PRKCE: variants seen among roughly 807,000 people sequenced by gnomAD.
The protein encoded by PRKCE is protein kinase C epsilon, also known as protein kinase C epsilon type.
A neutral mutation model predicts 85.4 loss-of-function variants in PRKCE; 16 were observed. The observed-to-expected ratio is 0.19, with a 90% CI of 0.13 to 0.28. The LOEUF (loss-of-function observed/expected upper bound fraction) is 0.28, where lower values mean the gene tolerates loss of function less well. PRKCE is among the 10% of genes least tolerant of loss of function. The probability of loss-of-function intolerance (pLI) is 1.00; values close to 1 mark genes in which losing one functional copy is unlikely to be tolerated. For missense variants in PRKCE, 573 were observed against 975.2 expected (o/e 0.59, Z 5.49); for synonymous variants, 388 against 371.5 (o/e 1.04, Z -0.51).
chr2:45,832,052 TG>T, intron 1 of PRKCE, among the ~76,000 whole-genome samples: 1 of 152,362 alleles, frequency 6.6e-6, no homozygotes, highest in African/African-American at 2.4e-5. Flanking sequence ...TTTATAAAAC[TG>T]TTCTTTTTCT....
chr2:45,802,436 G>T (rs1301961834), intron 1 of PRKCE, among the ~76,000 whole-genome samples: 1 of 151,892 alleles, frequency 6.6e-6, no homozygotes, highest in Non-Finnish European at 1.5e-5. Context: ...CCATCTTAAA[G>T]TGATAGTATC....
intron 2 of PRKCE, among the ~76,000 whole-genome samples, chr2:45,848,922 C>T (rs988248564): frequency 6.6e-6 from 1 of 152,122 alleles, no homozygotes; most frequent in Non-Finnish European, 1.5e-5. Flanking sequence ...AAAGGATAGG[C>T]AGGCTGGATT....
chr2:45,842,689 C>T (rs1247635241), intron 1 of PRKCE, among the ~76,000 whole-genome samples: 1 of 152,184 alleles, frequency 6.6e-6, no homozygotes, highest in African/African-American at 2.4e-5. Context: ...TCTCTGGCCT[C>T]CACCCACTAG....
intron 2 of PRKCE, among the ~76,000 whole-genome samples, chr2:45,892,152 G>C (rs1299404165): frequency 1.3e-5 from 2 of 152,124 alleles, no homozygotes; most frequent in Admixed American, 6.5e-5. Flanking sequence ...TTTCCAGAAG[G>C]CTTGCCCGTC....
At chr2:46,026,033 T>C (rs1707082908) in intron 10 of PRKCE, among the ~76,000 whole-genome samples, 1 of 152,190 alleles carries the variant, frequency 6.6e-6, no homozygotes, top group African/African-American at 2.4e-5. Flanking sequence ...ATAGATATGA[T>C]TCTTGTGCAT....
chr2:45,684,836 C>A (rs1351793393), intron 1 of PRKCE, among the ~76,000 whole-genome samples: 1 of 152,164 alleles, frequency 6.6e-6, no homozygotes, highest in African/African-American at 2.4e-5. Flanking sequence ...TGTCCCCAGT[C>A]AACCCCATTT....
intron 2 of PRKCE, among the ~76,000 whole-genome samples, chr2:45,878,569 C>T (rs1443478912): frequency 6.6e-6 from 1 of 152,274 alleles, no homozygotes; most frequent in Admixed American, 6.5e-5. Context: ...TTCAATTTCC[C>T]TAGATCTTCA....
At chr2:45,902,096 C>A (rs1696621069) in intron 2 of PRKCE, among the ~76,000 whole-genome samples, 1 of 152,138 alleles carries the variant, frequency 6.6e-6, no homozygotes, top group Admixed American at 6.5e-5. Context: ...AATCTCCAAC[C>A]CTCTCAGGTC....
intron 2 of PRKCE, among the ~76,000 whole-genome samples, chr2:45,849,741 G>C (rs1270423599): frequency 2.0e-5 from 3 of 152,128 alleles, no homozygotes; most frequent in African/African-American, 7.2e-5. Flanking sequence ...AAATCCAGAT[G>C]TTCAACAACA....
At chr2:45,683,962 C>T (rs886232088) in intron 1 of PRKCE, among the ~76,000 whole-genome samples, 9 of 152,320 alleles carry the variant, frequency 5.9e-5, no homozygotes, top group Admixed American at 3.9e-4. Context: ...ACCATCAACC[C>T]AGGGACTTAT....
chr2:45,781,173 A>T (rs1429366394), intron 1 of PRKCE, among the ~76,000 whole-genome samples: 4 of 142,800 alleles, frequency 2.8e-5, no homozygotes, highest in African/African-American at 1.2e-4. Context: ...CCATCTCTAC[A>T]AAATAATAAT....
At chr2:45,928,275 T>C (rs949067103) in intron 2 of PRKCE, among the ~76,000 whole-genome samples, 4 of 152,232 alleles carry the variant, frequency 2.6e-5, no homozygotes, top group African/African-American at 9.6e-5. Flanking sequence ...TATAACTTTA[T>C]ACTTCTTTTT....
intron 2 of PRKCE, among the ~76,000 whole-genome samples, chr2:45,925,419 C>G (rs971051024): frequency 2.0e-5 from 3 of 152,160 alleles, no homozygotes; most frequent in African/African-American, 7.2e-5. Flanking sequence ...GCCTCAGCCT[C>G]CCGAGTAGCT....
At chr2:45,991,218 G>C (rs1442023876) in intron 6 of PRKCE, among the ~76,000 whole-genome samples, 1 of 151,458 alleles carries the variant, frequency 6.6e-6, no homozygotes, top group Non-Finnish European at 1.5e-5. Context: ...TGTTGGCCAG[G>C]GTGGTCTTTA....
At chr2:45,768,556 T>A (rs1685084689) in intron 1 of PRKCE, among the ~76,000 whole-genome samples, 1 of 151,758 alleles carries the variant, frequency 6.6e-6, no homozygotes, top group South Asian at 2.1e-4. Flanking sequence ...TAGGGGAGAG[T>A]TAGGAGGGGA....
intron 5 of PRKCE, among the ~76,000 whole-genome samples, chr2:45,982,327 TACACACCA>T (rs1271036234): frequency 6.6e-6 from 1 of 152,216 alleles, no homozygotes; most frequent in Non-Finnish European, 1.5e-5. Flanking sequence ...CATACACACA[TACACACCA>T]GAAACACATG....
intron 10 of PRKCE, among the ~76,000 whole-genome samples, chr2:46,048,899 A>G (rs976473676): frequency 3.3e-5 from 5 of 152,070 alleles, no homozygotes; most frequent in Admixed American, 2.0e-4. Flanking sequence ...GCACTTTCCT[A>G]TAGCTCTGTA....
intron 2 of PRKCE, among the ~76,000 whole-genome samples, chr2:45,873,308 C>T (rs891703946): frequency 1.3e-5 from 2 of 152,050 alleles, no homozygotes; most frequent in Admixed American, 6.5e-5. Flanking sequence ...TCCTAATTGC[C>T]GCAACATCCT....
In PRKCE at chr2:45,885,002, T is replaced by TTTTTGTTG. The variant is rs375477829; in HGVS notation, c.412+41941_412+41942insTTGTTGTT. ...ATATATATATATATATATATATATA[T>TTTTTGTTG]TTGTTGTTGTTGTTGTTGTTTTACC... is the stretch of plus-strand genomic sequence containing the variant. On this transcript the variant is annotated intron_variant, in intron 2 of 14. Transcript: ENST00000306156. Among the ~76,000 whole-genome samples, 73 of 97,664 alleles carry TTTTTGTTG rather than the reference T, an allele frequency of 7.5e-4. 2 individuals carry two copies. Among genetic ancestry groups the TTTTTGTTG allele is most frequent in the East Asian group, 2.6e-3 (9 of 3,464 alleles). The allele number at this position is 97,664 out of a possible 152,430, so 64.1% of individuals were successfully genotyped here.
Sources: gnomAD v4.1 joint callset for allele counts (sites outside exome capture counted in the v4.1 genomes callset) on GRCh38, gnomAD v4.1.1 for gene constraint, MANE v1.5 for transcripts, NCBI Gene and HGNC (gene_info 2026-07-23, HGNC 2026-07-21) for gene names.